The following WWC1 variants were observed in gnomAD, a reference collection of about 807,000 sequenced individuals.
WWC1 encodes the protein WW and C2 domain containing 1.
In WWC1, 55 loss-of-function variants were observed where a neutral mutation model predicts 138.4. The ratio of observed to expected loss-of-function variants is 0.40; its 90% CI spans 0.32 to 0.50. The LOEUF (loss-of-function observed/expected upper bound fraction) is 0.50, where lower values mean the gene tolerates loss of function less well. Ranked by LOEUF, WWC1 falls within the 20% of genes least tolerant of loss-of-function variation. The pLI, the probability that WWC1 is intolerant of heterozygous loss-of-function variation, is 0.72. For missense variants in WWC1, 1,226 were observed against 1,420.4 expected, an observed-to-expected ratio of 0.86 and a Z score of 2.20; for synonymous variants, 524 against 564.9, an observed-to-expected ratio of 0.93 and a Z score of 1.03.
chr5:168,375,645 T>C (rs1777113126), intron 2 of WWC1, among the ~76,000 whole-genome samples: 2 of 152,106 alleles, frequency 1.3e-5, no homozygotes, highest in Admixed American at 1.3e-4. Context: ...GCAGATCTTG[T>C]CTCACTGCAA....
intron 11 of WWC1, among the ~76,000 whole-genome samples, chr5:168,427,548 A>ATTTTTT (rs34177139): frequency 8.5e-3 from 861 of 100,702 alleles, no homozygotes; most frequent in Middle Eastern, 0.016. Context: ...CTTTTTTTTA[A>ATTTTTT]TTTTTTTTTT....
In WWC1 at chr5:168,422,215, T is replaced by C. The variant is rs1582239994; in HGVS notation, c.1274+118T>C. On this transcript the variant is annotated intron_variant, in intron 10 of 22. Transcript: ENST00000265293. ...CCTCCGTGGCTTGAGAGTGGATGTT[T>C]AGAAGCATAGCAAATGGATTGTCAG... The C allele has an allele frequency of 6.2e-6, 6 of 972,434 alleles. No individual in the cohort carries two copies. The East Asian group carries it at 1.6e-4, about 26-fold the overall frequency. The allele number at this position is 972,434 out of a possible 1,614,324, so 60.2% of individuals were successfully genotyped here.
chr5:168,423,467 C>G, intron 10 of WWC1, 66 bp from the exon 11 acceptor site: 1 of 1,516,504 alleles, frequency 6.6e-7, no homozygotes, highest in Non-Finnish European at 8.9e-7. Context: ...CAGAGCTCAG[C>G]AGAAGGTCTC....
intron 1 of WWC1, among the ~76,000 whole-genome samples, chr5:168,368,090 C>CTTTT (rs59582303): frequency 5.4e-5 from 7 of 129,670 alleles, no homozygotes; most frequent in Admixed American, 8.3e-5. Context: ...AACACTTCAT[C>CTTTT]TTTTTTTTTT....
chr5:168,423,149 CAAAA>C (rs773855632), intron 10 of WWC1, among the ~76,000 whole-genome samples: 4 of 71,310 alleles, frequency 5.6e-5, no homozygotes, highest in African/African-American at 1.8e-4. Flanking sequence ...CATCCCCCCC[CAAAA>C]AAAAAAAAAA....
intron 1 of WWC1, among the ~76,000 whole-genome samples, chr5:168,361,911 A>G (rs866829627): frequency 1.2e-4 from 18 of 152,164 alleles, no homozygotes; most frequent in African/African-American, 4.3e-4. Context: ...GTGAAACCCC[A>G]TCTCTACTAA....
chr5:168,363,990 G>A (rs917152675), intron 1 of WWC1, among the ~76,000 whole-genome samples: 2 of 152,114 alleles, frequency 1.3e-5, no homozygotes, highest in African/African-American at 4.8e-5. Flanking sequence ...AAAGGGTGAT[G>A]TGATTCTTCA....
chr5:168,419,619 T>A (rs1457216276), intron 9 of WWC1, among the ~76,000 whole-genome samples: 2 of 152,238 alleles, frequency 1.3e-5, no homozygotes, highest in Non-Finnish European at 2.9e-5. Context: ...TGCATTTCAA[T>A]AAGCACTCTC....
chr5:168,317,272 C>T (rs1771690137), intron 1 of WWC1, among the ~76,000 whole-genome samples: 1 of 152,194 alleles, frequency 6.6e-6, no homozygotes, highest in Admixed American at 6.5e-5. Flanking sequence ...ATCACTCACC[C>T]TCCTTGAGTT....
intron 1 of WWC1, among the ~76,000 whole-genome samples, chr5:168,302,927 G>A (rs1010543616): frequency 1.3e-5 from 2 of 152,162 alleles, no homozygotes; most frequent in African/African-American, 4.8e-5. Context: ...ACCACCTGGA[G>A]GTCTTGTTAA....
At chr5:168,379,152 A>C (rs572043013) in intron 2 of WWC1, among the ~76,000 whole-genome samples, 3 of 152,336 alleles carry the variant, frequency 2.0e-5, no homozygotes, top group Admixed American at 6.5e-5. Flanking sequence ...GAGGGATATG[A>C]GGGAGATGTT....
At chr5:168,386,754 C>T (rs1279014710) in intron 3 of WWC1, among the ~76,000 whole-genome samples, 3 of 151,946 alleles carry the variant, frequency 2.0e-5, no homozygotes, top group Non-Finnish European at 4.4e-5. Context: ...CTCCACCTCC[C>T]GGGTTCCAGC....
At chr5:168,300,759 C>A (rs1224972124) in intron 1 of WWC1, among the ~76,000 whole-genome samples, 1 of 152,150 alleles carries the variant, frequency 6.6e-6, no homozygotes, top group African/African-American at 2.4e-5. Flanking sequence ...GCAACCCCCA[C>A]ACTGGCTTCC....
At chr5:168,300,311 G>A (rs924114439) in intron 1 of WWC1, among the ~76,000 whole-genome samples, 2 of 152,106 alleles carry the variant, frequency 1.3e-5, no homozygotes, top group African/African-American at 2.4e-5. Context: ...GGAGGAGGGG[G>A]CAGGCGTTCA....
At chr5:168,397,694 G>A (rs749442683) in intron 3 of WWC1, 30 bp from the exon 4 acceptor site, 4 of 1,612,452 alleles carry the variant, frequency 2.5e-6, no homozygotes, top group Non-Finnish European at 2.5e-6. Flanking sequence ...TTCTTCTACT[G>A]ATATTCTTGT....
At chr5:168,400,437 C>T (rs975767625) in intron 5 of WWC1, among the ~76,000 whole-genome samples, 27 of 152,128 alleles carry the variant, frequency 1.8e-4, no homozygotes, top group Admixed American at 1.5e-3. Context: ...GCAGTAGCTT[C>T]GTTGTTTCTT....
At chr5:168,322,215 A>C (rs1345406820) in intron 1 of WWC1, among the ~76,000 whole-genome samples, 1 of 152,080 alleles carries the variant, frequency 6.6e-6, no homozygotes. Flanking sequence ...CATTGAGGAG[A>C]CTTGCAAAAA....
Position 168,292,045 on chromosome 5 carries a change from G to A in WWC1, c.-108G>A. The A allele has an allele frequency of 7.5e-7, 1 of 1,341,406 alleles. No homozygotes were observed. The highest frequency in any genetic ancestry group is 9.6e-7 in the Non-Finnish European group (1 of 1,041,644). 83.1% of individuals were successfully genotyped at this position (1,341,406 alleles called of 1,614,324 possible). On this transcript the variant is annotated 5_prime_UTR_variant, in exon 1 of 23. Transcript: ENST00000265293. This position sits in a 1 kb window ranked among gnomAD's most constrained non-coding sequence, Gnocchi z 4.4. Reference sequence around the variant, plus strand: ...CCCCATCTGCGGGCGCCACCCCCCGGATCATGGTGCCTCGGCGGCCGCCCG... The same window carrying A: ...CCCCATCTGCGGGCGCCACCCCCCGAATCATGGTGCCTCGGCGGCCGCCCG...
chr5:168,406,668 G>A (rs1280794756), intron 6 of WWC1, among the ~76,000 whole-genome samples: 4 of 152,030 alleles, frequency 2.6e-5, no homozygotes, highest in South Asian at 2.1e-4. Flanking sequence ...TCGGCCGGGC[G>A]CGGTGGCTCA....
Sources: allele counts gnomAD v4.1 joint callset (sites outside exome capture counted in the v4.1 genomes callset), GRCh38; gene constraint gnomAD v4.1.1; non-coding constraint Gnocchi (gnomAD v3.1); transcripts MANE v1.5; gene names NCBI Gene and HGNC (gene_info 2026-07-23, HGNC 2026-07-21).